The following LCOR variants were observed in gnomAD, a reference collection of about 807,000 sequenced individuals.
LCOR encodes ligand dependent nuclear receptor corepressor.
LCOR carries 14 observed loss-of-function variants against 64.4 expected under a neutral mutation model. The ratio of observed to expected loss-of-function variants is 0.22; its 90% confidence interval spans 0.14 to 0.34. The LOEUF (loss-of-function observed/expected upper bound fraction) is 0.34, where lower values mean the gene tolerates loss of function less well. Among genes scored for constraint, LCOR ranks in the 10% least tolerant of loss-of-function variants. LCOR has a pLI of 1.00. For missense variants in LCOR, 1,686 were observed against 1,765.3 expected (o/e 0.96, Z 0.80); for synonymous variants, 643 against 642.5 (o/e 1.00, Z -0.01).
intron 2 of LCOR, among the ~76,000 whole-genome samples, chr10:96,902,635 C>T (rs1846659512): frequency 6.6e-6 from 1 of 152,010 alleles, no homozygotes; most frequent in Non-Finnish European, 1.5e-5. Context: ...ACTATTGCAC[C>T]AACCCAATAC....
At chr10:96,931,620 A>G (rs1349389395) in intron 4 of LCOR, among the ~76,000 whole-genome samples, 1 of 152,172 alleles carries the variant, frequency 6.6e-6, no homozygotes, top group Admixed American at 6.5e-5. Context: ...CTTAAAGGAT[A>G]TTGGGAAGTG....
In LCOR at chr10:96,990,453, TCTTTTGAGGCAGC is replaced by T. The variant is rs1848190518; in HGVS notation, c.*5323_*5335del. On this transcript the variant is annotated 3_prime_UTR_variant, in exon 8 of 8. Transcript: ENST00000421806. ...TCACTGTGTTGCCCAGACTGGGAAG[TCTTTTGAGGCAGC>T]CTTCAATATAATTCATCCTTTGAAA... The T allele has an allele frequency of 1.3e-5, 2 of 151,958 alleles. No homozygotes were observed. The highest frequency in any genetic ancestry group is 2.9e-5 in the Non-Finnish European group (2 of 68,002). The allele number at this position is 151,958 out of a possible 1,614,324, so 9.4% of individuals were successfully genotyped here.
rs569804837 is a variant in LCOR at position 96,941,412 on chromosome 10, G to A, written c.-183-2701G>A. On this transcript the variant is annotated intron_variant, in intron 4 of 7. Transcript: ENST00000421806. ...GACTGGGCGGCTGGCCGGGCAGGGG[G>A]CTGACCCCCCACCTCCCTCCTGGAC... Among the ~76,000 whole-genome samples, 31 of 146,480 alleles carry A rather than the reference G, an allele frequency of 2.1e-4. No homozygotes were observed. In the East Asian group the frequency reaches 3.0e-3, roughly 14 times the overall value.
chr10:96,882,762 A>G (rs780284546), intron 2 of LCOR, among the ~76,000 whole-genome samples: 12 of 152,022 alleles, frequency 7.9e-5, no homozygotes, highest in Non-Finnish European at 1.2e-4. Context: ...TCTGGCAACC[A>G]CTGGTCTTTC....
intron 2 of LCOR, among the ~76,000 whole-genome samples, chr10:96,842,830 C>A (rs1457835160): frequency 2.0e-5 from 3 of 151,944 alleles, no homozygotes; most frequent in Non-Finnish European, 4.4e-5. Context: ...GGGGTTTTAC[C>A]ATGTTGGCCA....
In LCOR at chr10:96,907,676, C is replaced by A. The variant is rs1392347792; in HGVS notation, c.-255C>A. Reference sequence around the variant, plus strand: ...TGTTACTATTTTTGCAGACTGTGAACCTGAAAGCATTTCTGATTGGACTTT... The same window carrying A: ...TGTTACTATTTTTGCAGACTGTGAAACTGAAAGCATTTCTGATTGGACTTT... On this transcript the variant is annotated 5_prime_UTR_variant, in exon 4 of 8. Transcript: ENST00000421806. 1 of 980,342 alleles carries A rather than the reference C, an allele frequency of 1.0e-6. No individual in the cohort carries two copies. The highest frequency in any genetic ancestry group is 6.2e-5 in the Admixed American group (1 of 16,248). 60.7% of individuals were successfully genotyped at this position (980,342 alleles called of 1,614,324 possible). A position where few individuals can be genotyped will look rare whatever the true frequency, so the allele number is the denominator to read the frequency against.
At chr10:96,965,200 G>A (rs1435540393) in intron 7 of LCOR, among the ~76,000 whole-genome samples, 3 of 150,988 alleles carry the variant, frequency 2.0e-5, no homozygotes, top group African/African-American at 7.3e-5. Flanking sequence ...TAGTAGAGAG[G>A]GAGTTTCACA....
intron 7 of LCOR, chr10:96,955,753 C>T: frequency 6.2e-7 from 1 of 1,614,116 alleles, no homozygotes; most frequent in Non-Finnish European, 8.5e-7. Flanking sequence ...TATGGGATTC[C>T]CCACAGTACA....
chr10:96,915,249 G>T (rs12249427), intron 4 of LCOR, among the ~76,000 whole-genome samples: 2 of 152,160 alleles, frequency 1.3e-5, no homozygotes, highest in African/African-American at 2.4e-5. Flanking sequence ...AGCCGGGCAC[G>T]GAGGTGCACG....
chr10:96,858,820 C>T lies in LCOR; in HGVS notation c.-330+25341C>T, dbSNP rs548604973. Among the ~76,000 whole-genome samples the T allele has an allele frequency of 3.3e-5, 5 of 152,246 alleles. No homozygotes were observed. In the South Asian group the frequency reaches 1.0e-3, roughly 32 times the overall value. ...TTAACAAGCATGAATGAATTTGTAA[C>T]TTAGATTCCAGAACCCTGCCTGGCA... On this transcript the variant is annotated intron_variant, in intron 2 of 7. Coordinates refer to ENST00000421806, the MANE Select transcript of LCOR (RefSeq NM_001346516.2).
At chr10:96,979,211 C>A (rs1010988069) in intron 7 of LCOR, among the ~76,000 whole-genome samples, 2 of 152,228 alleles carry the variant, frequency 1.3e-5, no homozygotes, top group Non-Finnish European at 1.5e-5. Flanking sequence ...TATTATCAAA[C>A]ATCTGTTCAC....
chr10:96,885,423 C>T (rs1157491242), intron 2 of LCOR, among the ~76,000 whole-genome samples: 1 of 151,794 alleles, frequency 6.6e-6, no homozygotes. Flanking sequence ...ACTCTGTTTC[C>T]CAGGCTGGAG....
At position 96,949,087 on chromosome 10, in the gene LCOR, T is replaced by C; in HGVS notation, c.30T>C (p.Ala10=). The change falls in exon 6 of 8, where the codon GCT becomes GCC. Residue 10 remains alanine (A), a synonymous_variant. Coordinates refer to ENST00000421806, the MANE Select transcript of LCOR (RefSeq NM_001346516.2). The stretch of plus-strand genomic sequence containing the variant: ...AGCGAATGATCCAACAATTTGCTGC[T>C]GAATATACCTCAAAAAATAGCTCTA... MQRMIQQFA[A]EYTSKNSSTQ... The C allele has an allele frequency of 6.2e-7, 1 of 1,614,090 alleles. No individual in the cohort carries two copies.
chr10:96,977,050 G>T (rs1848045710), intron 7 of LCOR, among the ~76,000 whole-genome samples: 1 of 150,262 alleles, frequency 6.7e-6, no homozygotes, highest in Non-Finnish European at 1.5e-5. Context: ...TTGATGCATT[G>T]AAAAGGCACC....
chr10:96,847,252 A>G (rs1311483717), intron 2 of LCOR, among the ~76,000 whole-genome samples: 2 of 151,898 alleles, frequency 1.3e-5, no homozygotes, highest in African/African-American at 4.8e-5. Context: ...TCAAAAAATG[A>G]AAAGAGAAGC....
intron 4 of LCOR, among the ~76,000 whole-genome samples, chr10:96,911,342 C>A (rs1846831192): frequency 6.6e-6 from 1 of 152,166 alleles, no homozygotes; most frequent in Non-Finnish European, 1.5e-5. Flanking sequence ...AAGTGATCCA[C>A]TCGCCTCAGC....
rs1003987721 is a variant in LCOR at position 96,865,033 on chromosome 10, G to A, written c.-330+31554G>A. Among the ~76,000 whole-genome samples, 80 of 152,180 alleles carry A rather than the reference G, an allele frequency of 5.3e-4. 1 individual carries two copies. The highest frequency in any genetic ancestry group is 1.9e-3 in the African/African-American group (78 of 41,434). On this transcript the variant is annotated intron_variant, in intron 2 of 7. Transcript: ENST00000421806. ...GAAAAGAAAATTTAATTTGAGAGACGAGAGATTAGTAGGTGTTAATTAACT... is the reference window on the plus strand; with the variant it reads ...GAAAAGAAAATTTAATTTGAGAGACAAGAGATTAGTAGGTGTTAATTAACT...
In LCOR at chr10:96,991,902, T is replaced by C. The variant is rs1848203904; in HGVS notation, c.*6768T>C. ...TCCCCAGTGTGGCCCTGAACACAAA[T>C]TTGTCACATTGGAAGCATTTTTCTC... is the stretch of plus-strand genomic sequence containing the variant. On this transcript the variant is annotated 3_prime_UTR_variant, in exon 8 of 8. Coordinates refer to ENST00000421806, the MANE Select transcript of LCOR (RefSeq NM_001346516.2). The C allele has an allele frequency of 1.3e-5, 2 of 152,064 alleles. No individual in the cohort carries two copies. Among genetic ancestry groups the C allele is most frequent in the Admixed American group, 1.3e-4 (2 of 15,288 alleles). 9.4% of individuals were successfully genotyped at this position (152,064 alleles called of 1,614,324 possible). A position where few individuals can be genotyped will look rare whatever the true frequency, so the allele number is the denominator to read the frequency against.
intron 2 of LCOR, among the ~76,000 whole-genome samples, chr10:96,903,852 C>G (rs1846684562): frequency 6.6e-6 from 1 of 152,078 alleles, no homozygotes; most frequent in Non-Finnish European, 1.5e-5. Flanking sequence ...AAACATTGTT[C>G]CTATAAGAGA....
Sources: allele counts gnomAD v4.1 joint callset (sites outside exome capture counted in the v4.1 genomes callset), GRCh38; gene constraint gnomAD v4.1.1; transcripts MANE v1.5; gene names NCBI Gene and HGNC (gene_info 2026-07-23, HGNC 2026-07-21).